The following LMBR1 variants were observed in gnomAD, a reference collection of about 807,000 sequenced individuals.
The protein encoded by LMBR1 is limb development membrane protein 1.
A neutral mutation model predicts 73.9 loss-of-function variants in LMBR1; 52 were observed. The ratio of observed to expected loss-of-function variants is 0.70; its 90% CI spans 0.56 to 0.89. LMBR1 has a LOEUF of 0.89. Ranked by LOEUF, LMBR1 falls within the 40% of genes least tolerant of loss-of-function variation. The pLI is 0.00. For missense variants in LMBR1, 539 were observed against 579.8 expected (o/e 0.93, Z 0.72); for synonymous variants, 215 against 209.4 (o/e 1.03, Z -0.23).
At chr7:156,860,478 G>C (rs975619789) in intron 1 of LMBR1, among the ~76,000 whole-genome samples, 2 of 151,990 alleles carry the variant, frequency 1.3e-5, no homozygotes, top group Admixed American at 1.3e-4. Flanking sequence ...ATTTGGTAGG[G>C]GACACAGCCA....
chr7:156,849,130 G>C (rs1795907116), intron 1 of LMBR1, among the ~76,000 whole-genome samples: 1 of 152,060 alleles, frequency 6.6e-6, no homozygotes, highest in South Asian at 2.1e-4. Context: ...CAGTAGAATG[G>C]ATAAAGAAAA....
rs1290761129 is a variant in LMBR1 at position 156,698,727 on chromosome 7, T to C, written c.1226-10536A>G. 1.2e-4 allele frequency among the ~76,000 whole-genome samples: 18 copies of C among 152,120 alleles called. 1 individual carries two copies. Among genetic ancestry groups the C allele is most frequent in the Admixed American group, 1.2e-3 (18 of 15,282 alleles). On this transcript the variant is annotated intron_variant, in intron 15 of 16. Transcript: ENST00000353442. ...GGGTCCAGCCCCATGAAACCACTTT[T>C]TCCTCCTAAACCTCCCAGCCTGTGA...
At chr7:156,805,438 A>T (rs1831859053) in intron 4 of LMBR1, among the ~76,000 whole-genome samples, 1 of 151,434 alleles carries the variant, frequency 6.6e-6, no homozygotes, top group Non-Finnish European at 1.5e-5. Context: ...CTTGTCTCGA[A>T]CTCCTGACCT....
chr7:156,855,519 G>T (rs1474767350), intron 1 of LMBR1, among the ~76,000 whole-genome samples: 1 of 151,960 alleles, frequency 6.6e-6, no homozygotes, highest in Non-Finnish European at 1.5e-5. Flanking sequence ...ATTACAAAAG[G>T]CATAACATAC....
At chr7:156,871,158 C>A (rs183985974) in intron 1 of LMBR1, among the ~76,000 whole-genome samples, 68 of 152,218 alleles carry the variant, frequency 4.5e-4, no homozygotes, top group Admixed American at 7.9e-4. Context: ...CTACTAAAAA[C>A]AGCCATATGC....
intron 9 of LMBR1, among the ~76,000 whole-genome samples, chr7:156,743,087 G>T (rs1487709481): frequency 6.6e-6 from 1 of 152,088 alleles, no homozygotes; most frequent in Admixed American, 6.5e-5. Flanking sequence ...TACCTTGGAT[G>T]GAGCGAAAAG....
At chr7:156,890,774 G>A (rs1449483061) in intron 1 of LMBR1, among the ~76,000 whole-genome samples, 1 of 152,092 alleles carries the variant, frequency 6.6e-6, no homozygotes, top group Non-Finnish European at 1.5e-5. Flanking sequence ...AACCACTTTG[G>A]AAAATTGTTT....
chr7:156,875,080 G>C (rs1299873937), intron 1 of LMBR1, among the ~76,000 whole-genome samples: 1 of 152,118 alleles, frequency 6.6e-6, no homozygotes, highest in African/African-American at 2.4e-5. Context: ...GAAATCTTCA[G>C]TGAAACAGAC....
At position 156,769,446 on chromosome 7, in the gene LMBR1, C is replaced by T. The variant is rs185458314; in HGVS notation, c.424-5651G>A. Among the ~76,000 whole-genome samples the T allele has an allele frequency of 2.4e-4, 36 of 152,322 alleles. 1 individual carries two copies. In the East Asian group the frequency reaches 6.4e-3, roughly 27 times the overall value. ...GGCCCTTCCTCCTCCGCCTCCCTCT[C>T]ACCACTGAGTTGAGCACATCCACCA... On this transcript the variant is annotated intron_variant, in intron 5 of 16. Transcript: ENST00000353442.
Position 156,789,346 on chromosome 7 carries a change from C to T in LMBR1, c.423+7043G>A, listed in dbSNP as rs10949603. Among the ~76,000 whole-genome samples the T allele has an allele frequency of 0.42, 63,739 of 151,916 alleles. 13,672 individuals are homozygous for T. Among genetic ancestry groups the T allele is most frequent in the East Asian group, 0.6 (3,100 of 5,162 alleles). ...CTCGATGAGAATTTCCTTTCTTTAA[C>T]GTAAAATGTGCAAACCAATAAATAT... On this transcript the variant is annotated intron_variant, in intron 5 of 16. Coordinates refer to ENST00000353442, the MANE Select transcript of LMBR1 (RefSeq NM_022458.4).
At chr7:156,741,193 C>A (rs1203467590) in intron 9 of LMBR1, among the ~76,000 whole-genome samples, 1 of 151,914 alleles carries the variant, frequency 6.6e-6, no homozygotes, top group Non-Finnish European at 1.5e-5. Context: ...TTAAATCCTA[C>A]AACCAGAGAA....
At position 156,782,187 on chromosome 7, in the gene LMBR1, G is replaced by C. The variant is rs373816085; in HGVS notation, c.423+14202C>G. 7.6e-4 allele frequency among the ~76,000 whole-genome samples: 115 copies of C among 152,244 alleles called. No individual in the cohort carries two copies. The Middle Eastern group carries it at 0.01, about 14-fold the overall frequency. On this transcript the variant is annotated intron_variant, in intron 5 of 16. Transcript: ENST00000353442. Reference sequence around the variant, plus strand: ...GGGCTGAATAATACTTCATTGTATGGATATATCACGTGTGGTTTACTCATT... The same window carrying C: ...GGGCTGAATAATACTTCATTGTATGCATATATCACGTGTGGTTTACTCATT...
rs1263761752 is a variant in LMBR1, at chr7:156,736,391, A to G, written c.758-2134T>C. The G allele has an allele frequency of 1.6e-5, 6 of 376,768 alleles. No homozygotes were observed. The East Asian group carries it at 4.4e-4, about 27-fold the overall frequency. 23.3% of individuals were successfully genotyped at this position (376,768 alleles called of 1,614,324 possible). A position where few individuals can be genotyped will look rare whatever the true frequency, so the allele number is the denominator to read the frequency against. ...TTCATTATTTAGTATAATAGCTGAT[A>G]AACTTTATTTTATACTTTCTATACT... On this transcript the variant is annotated intron_variant, in intron 9 of 16. Coordinates refer to ENST00000353442, the MANE Select transcript of LMBR1 (RefSeq NM_022458.4).
chr7:156,684,401 C>A (rs990089841), intron 16 of LMBR1, among the ~76,000 whole-genome samples: 3 of 152,118 alleles, frequency 2.0e-5, no homozygotes, highest in African/African-American at 7.2e-5. Context: ...CAGGACAGCA[C>A]GTGAGGGTCC....
intron 1 of LMBR1, among the ~76,000 whole-genome samples, chr7:156,860,018 G>A (rs1411538658): frequency 6.6e-6 from 1 of 152,156 alleles, no homozygotes; most frequent in East Asian, 1.9e-4. Flanking sequence ...TGTCAAAGAA[G>A]CAATGAAGAA....
In LMBR1 at chr7:156,670,813, G is replaced by A. The variant is rs533054977; in HGVS notation, n.867-1526C>T. Among the ~76,000 whole-genome samples the A allele has an allele frequency of 2.0e-5, 3 of 152,328 alleles. No homozygotes were observed. The highest frequency in any genetic ancestry group is 2.9e-5 in the Non-Finnish European group (2 of 68,026). On this transcript the variant is annotated intron_variant and non_coding_transcript_variant, in intron 4 of 4. Transcript: ENST00000430825. The surrounding 1 kb of genome is among the most constrained non-coding windows in gnomAD (Gnocchi z 4.3). ...CAGACAAAAAGTGTGCCACTAGAAC[G>A]TCTTCGTTAAAGGAAATTCTAAAGG...
At chr7:156,848,977 C>T (rs948319715) in intron 1 of LMBR1, among the ~76,000 whole-genome samples, 20 of 150,630 alleles carry the variant, frequency 1.3e-4, no homozygotes, top group African/African-American at 4.4e-4. Context: ...AACAGTACTA[C>T]CATTTGACCC....
chr7:156,788,984 G>A (rs1828693053), intron 5 of LMBR1, among the ~76,000 whole-genome samples: 1 of 152,148 alleles, frequency 6.6e-6, no homozygotes, highest in Admixed American at 6.5e-5. Context: ...GGAGATGGAG[G>A]TGCAGCGAGC....
At chr7:156,698,395 T>C (rs1808809703) in intron 15 of LMBR1, among the ~76,000 whole-genome samples, 1 of 152,242 alleles carries the variant, frequency 6.6e-6, no homozygotes, top group Admixed American at 6.5e-5. Flanking sequence ...GTGGGGGCTC[T>C]GACCCCACAT....
Sources: gnomAD v4.1 joint callset for allele counts (sites outside exome capture counted in the v4.1 genomes callset) on GRCh38, gnomAD v4.1.1 for gene constraint, Gnocchi (gnomAD v3.1) non-coding constraint, MANE v1.5 for transcripts, NCBI Gene and HGNC (gene_info 2026-07-23, HGNC 2026-07-21) for gene names.